The following PIK3CA variants were observed in gnomAD, a reference collection of about 807,000 sequenced individuals.
PIK3CA encodes phosphatidylinositol-4,5-bisphosphate 3-kinase catalytic subunit alpha, also known as phosphatidylinositol 4,5-bisphosphate 3-kinase catalytic subunit alpha isoform.
A neutral mutation model predicts 138.2 loss-of-function variants in PIK3CA; 27 were observed. The ratio of observed to expected loss-of-function variants is 0.20; its 90% CI spans 0.14 to 0.27. The LOEUF (loss-of-function observed/expected upper bound fraction) is 0.27. PIK3CA is among the 10% of genes least tolerant of loss of function. The probability of loss-of-function intolerance (pLI) is 1.00; values close to 1 mark genes in which losing one functional copy is unlikely to be tolerated. For synonymous variants in PIK3CA, 358 were observed against 413.2 expected, an observed-to-expected ratio of 0.87 and a Z score of 1.62; for missense variants, 544 against 1,277.4, an observed-to-expected ratio of 0.43 and a Z score of 8.75.
At chr3:179,165,756 G>C (rs1723402075) in intron 1 of PIK3CA, among the ~76,000 whole-genome samples, 1 of 152,112 alleles carries the variant, frequency 6.6e-6, no homozygotes, top group Non-Finnish European at 1.5e-5. Flanking sequence ...TAGTCACTCT[G>C]AACTGCTACA....
chr3:179,217,944 G>A (rs1724874053), intron 9 of PIK3CA, among the ~76,000 whole-genome samples: 1 of 151,878 alleles, frequency 6.6e-6, no homozygotes, highest in South Asian at 2.1e-4. Flanking sequence ...CTTGTTGTTG[G>A]CTAACTTCAG....
intron 16 of PIK3CA, 22 bp downstream of exon 16, chr3:179,224,843 CT>C: frequency 6.5e-7 from 1 of 1,545,630 alleles, no homozygotes; most frequent in Non-Finnish European, 8.9e-7. Flanking sequence ...TATTAATGAG[CT>C]TATGATGCAT....
intron 9 of PIK3CA, among the ~76,000 whole-genome samples, chr3:179,213,001 C>G (rs1388924098): frequency 1.3e-5 from 2 of 152,098 alleles, no homozygotes; most frequent in Non-Finnish European, 2.9e-5. Flanking sequence ...TACAGGAGAT[C>G]AGTTGCCCCT....
chr3:179,191,612 A>G lies in PIK3CA; in HGVS notation c.-76-7138A>G, dbSNP rs1455721719. ...CAGGTACAATATCGATGTTTTAAAA[A>G]CATAAGTATTTGGTGTTTTGTTTTG... is the stretch of plus-strand genomic sequence containing the variant. On this transcript the variant is annotated intron_variant, in intron 1 of 20. Coordinates refer to ENST00000263967, the MANE Select transcript of PIK3CA (RefSeq NM_006218.4). Among the ~76,000 whole-genome samples the G allele has an allele frequency of 2.6e-5, 4 of 152,180 alleles. No homozygotes were observed. In the East Asian group the frequency reaches 7.7e-4, roughly 29 times the overall value.
chr3:179,169,872 A>G (rs1576918090), intron 1 of PIK3CA, among the ~76,000 whole-genome samples: 1 of 152,248 alleles, frequency 6.6e-6, no homozygotes, highest in Admixed American at 6.5e-5. Flanking sequence ...GTTATCTTAA[A>G]TAAAATATTA....
intron 1 of PIK3CA, among the ~76,000 whole-genome samples, chr3:179,175,269 G>A (rs1723668484): frequency 6.6e-6 from 1 of 152,202 alleles, no homozygotes. Flanking sequence ...TATTTTAAGT[G>A]AGTGTAGAAT....
chr3:179,201,498 T>C lies in PIK3CA; in HGVS notation c.771T>C (p.Cys257=), dbSNP rs757137626. 6.2e-7 allele frequency: 1 copy of C among 1,608,500 alleles called. No individual in the cohort carries two copies. The highest frequency in any genetic ancestry group is 1.1e-5 in the South Asian group (1 of 90,906). The part of the protein sequence containing the change: ...QGKYILKVCG[C]DEYFLEKYPL... ...AGTATATTTTAAAAGTGTGTGGATG[T>C]GATGAATACTTCCTAGAAAAATATC... The change falls in exon 4 of 21, where the codon TGT becomes TGC. Residue 257 remains cysteine, a synonymous_variant. Coordinates refer to ENST00000263967, the MANE Select transcript of PIK3CA (RefSeq NM_006218.4).
At chr3:179,202,233 TTTTG>T (rs557782629) in intron 4 of PIK3CA, among the ~76,000 whole-genome samples, 31 of 152,116 alleles carry the variant, frequency 2.0e-4, no homozygotes, top group South Asian at 1.0e-3. Flanking sequence ...CCCAGCTAAT[TTTTG>T]TTTGTTTGTT....
intron 1 of PIK3CA, among the ~76,000 whole-genome samples, chr3:179,149,045 G>C (rs1016627347): frequency 1.3e-5 from 2 of 152,254 alleles, no homozygotes; most frequent in South Asian, 4.1e-4. Flanking sequence ...TTCTTGAGGG[G>C]CTGTCACGCC....
intron 1 of PIK3CA, among the ~76,000 whole-genome samples, chr3:179,194,975 T>C (rs1724227810): frequency 7.0e-6 from 1 of 143,582 alleles, no homozygotes; most frequent in African/African-American, 2.6e-5. Flanking sequence ...TTTTGTGCCA[T>C]ACTTAGCCTA....
Position 179,199,037 on chromosome 3 carries a change from T to G in PIK3CA, c.212T>G (p.Val71Gly). 6.2e-7 allele frequency: 1 copy of G among 1,613,706 alleles called. No individual in the cohort carries two copies. ...LLQDESSYIFVSVTQEAEREE... is the reference protein window; with the variant it reads ...LLQDESSYIFGSVTQEAEREE... ...CAAGATGAATCTTCTTACATTTTCG[T>G]AAGTGTTACTCAAGAAGCAGAAAGG... The change falls in exon 2 of 21, where the codon GTA (valine) becomes GGA (glycine). Residue 71 changes from valine (V) to glycine (G), a missense_variant. By Grantham distance (109) the Val-to-Gly change is moderately radical (BLOSUM62 -3). Coordinates refer to ENST00000263967, the MANE Select transcript of PIK3CA (RefSeq NM_006218.4).
intron 6 of PIK3CA, among the ~76,000 whole-genome samples, chr3:179,207,544 CTTTTCTTTTTTT>C (rs1226298724): frequency 1.3e-5 from 2 of 149,194 alleles, no homozygotes; most frequent in African/African-American, 4.9e-5. Flanking sequence ...TTTAATTTTT[CTTTTCTTTTTTT>C]TTTTTTTGGA....
chr3:179,204,458 T>A (rs746038002), intron 5 of PIK3CA, 45 bp from the exon 6 acceptor site: 6 of 873,356 alleles, frequency 6.9e-6, no homozygotes, highest in Non-Finnish European at 9.6e-6. Flanking sequence ...TGCATATGTG[T>A]ATGTTGAGTG....
intron 1 of PIK3CA, among the ~76,000 whole-genome samples, chr3:179,171,647 A>T (rs560888786): frequency 7.6e-4 from 116 of 152,284 alleles, no homozygotes; most frequent in Middle Eastern, 3.4e-3. Flanking sequence ...AGATGAAATG[A>T]ACAAATTCTT....
chr3:179,175,445 T>C (rs1386706479), intron 1 of PIK3CA, among the ~76,000 whole-genome samples: 1 of 152,198 alleles, frequency 6.6e-6, no homozygotes, highest in East Asian at 1.9e-4. Context: ...TATGGTACCT[T>C]GGTGTGCATC....
chr3:179,159,801 A>C (rs575020529), intron 1 of PIK3CA, among the ~76,000 whole-genome samples: 1 of 152,286 alleles, frequency 6.6e-6, no homozygotes, highest in Non-Finnish European at 1.5e-5. Context: ...TAGCTTACTA[A>C]ACACCTATGC....
In PIK3CA at chr3:179,210,221, G is replaced by A. The variant is rs2108400259; in HGVS notation, c.1287G>A (p.Leu429=). The stretch of plus-strand genomic sequence containing the variant: ...CATTGGCATGGGGAAATATAAACTT[G>A]TTTGATTACACAGACACTCTAGTAT... ...HCPLAWGNIN[L]FDYTDTLVSG... Residue 429 remains leucine, a synonymous_variant, in exon 8 of 21, where the codon TTG becomes TTA. Transcript: ENST00000263967. 6.3e-7 allele frequency: 1 copy of A among 1,591,458 alleles called. No homozygotes were observed. Among genetic ancestry groups the A allele is most frequent in the Non-Finnish European group, 8.5e-7 (1 of 1,174,298 alleles).
At chr3:179,187,654 T>C (rs1264209452) in intron 1 of PIK3CA, among the ~76,000 whole-genome samples, 1 of 151,818 alleles carries the variant, frequency 6.6e-6, no homozygotes, top group Non-Finnish European at 1.5e-5. Flanking sequence ...TTGTTTTTCT[T>C]TGGGATGGAG....
chr3:179,219,206 G>A lies in PIK3CA; in HGVS notation c.1675G>A (p.Val559Ile). ...GTTTCTCCCACACAGACACTATTGT[G>A]TAACTATCCCCGAAATTCTACCCAA... ...DFLWSHRHYC[V>I]TIPEILPKLL... Residue 559 changes from valine to isoleucine, a missense_variant, in exon 11 of 21, where the codon GTA (valine) becomes ATA (isoleucine). Coordinates refer to ENST00000263967, the MANE Select transcript of PIK3CA (RefSeq NM_006218.4). This position sits in a 1 kb window ranked among gnomAD's most constrained non-coding sequence, Gnocchi z 4.2. The A allele has an allele frequency of 6.3e-7, 1 of 1,593,630 alleles. No homozygotes were observed. The highest frequency in any genetic ancestry group is 8.6e-7 in the Non-Finnish European group (1 of 1,162,046).
Sources: gnomAD v4.1 joint callset for allele counts (sites outside exome capture counted in the v4.1 genomes callset) on GRCh38, gnomAD v4.1.1 for gene constraint, Gnocchi (gnomAD v3.1) non-coding constraint, MANE v1.5 for transcripts, NCBI Gene and HGNC (gene_info 2026-07-23, HGNC 2026-07-21) for gene names.